The following INTS15 variants were observed in gnomAD, a reference collection of about 807,000 sequenced individuals.
INTS15 encodes uncharacterized protein C7orf26.
At chr7:6,598,735 TTGTGTGTGTGTGTG>T in the INTS15 span, among the ~76,000 whole-genome samples, 298 of 83,620 alleles carry the variant, frequency 3.6e-3, 2 homozygotes, top group Middle Eastern at 7.4e-3. Flanking sequence ...GCTGTATGCT[TTGTGTGTGTGTGTG>T]TGTGTGTGTG....
At chr7:6,594,535 G>T in the INTS15 span, 1 of 1,614,148 alleles carries the variant, frequency 6.2e-7, no homozygotes, top group Non-Finnish European at 8.5e-7. Flanking sequence ...CAGATATTCA[G>T]TGCCAGCCCG....
At chr7:6,604,069 A>T in the INTS15 span, among the ~76,000 whole-genome samples, 152,046 of 152,308 alleles carry the variant, frequency 1, 75,896 homozygotes, top group Non-Finnish European at 1. Context: ...GAATATCTAA[A>T]AAGTGTCAGC....
chr7:6,595,074 C>T, the INTS15 span, among the ~76,000 whole-genome samples: 316 of 152,218 alleles, frequency 2.1e-3, 1 homozygote, highest in Non-Finnish European at 3.2e-3. Context: ...CTCTGTCACC[C>T]TGGCTGGAGT....
At chr7:6,594,275 G>A in the INTS15 span, 1 of 686,610 alleles carries the variant, frequency 1.5e-6, no homozygotes, top group Non-Finnish European at 2.5e-6. Context: ...CAAAGTGTTG[G>A]GATTACAGAT....
the INTS15 span, chr7:6,602,517 C>T: frequency 1.3e-5 from 5 of 382,274 alleles, no homozygotes; most frequent in East Asian, 7.0e-5. Context: ...TAGCTGCCAG[C>T]GCTTGGCCAT....
At chr7:6,606,322 C>G in the INTS15 span, among the ~76,000 whole-genome samples, 7 of 152,234 alleles carry the variant, frequency 4.6e-5, no homozygotes, top group Non-Finnish European at 8.8e-5. Flanking sequence ...AGCCTTTGTA[C>G]TGGGGAGCTT....
chr7:6,590,206 T>G, the INTS15 span: 13 of 1,292,146 alleles, frequency 1.0e-5, no homozygotes, highest in South Asian at 2.1e-4. Flanking sequence ...GCCTCTTTGT[T>G]TCCACGGGTA....
the INTS15 span, among the ~76,000 whole-genome samples, chr7:6,590,776 C>T: frequency 6.6e-6 from 1 of 152,140 alleles, no homozygotes; most frequent in East Asian, 1.9e-4. Flanking sequence ...CTGAACCCTC[C>T]AGGAGGATGT....
chr7:6,607,860 C>A, the INTS15 span: 1 of 1,542,516 alleles, frequency 6.5e-7, no homozygotes, highest in Non-Finnish European at 8.7e-7. The surrounding 1 kb of genome is among the most constrained non-coding windows in gnomAD (Gnocchi z 6.0). Flanking sequence ...GTGTCGGTGC[C>A]TCTCCTGGGC....
the INTS15 span, among the ~76,000 whole-genome samples, chr7:6,606,647 G>T: frequency 6.6e-6 from 1 of 152,036 alleles, no homozygotes; most frequent in Non-Finnish European, 1.5e-5. Flanking sequence ...GGGAAGGCAG[G>T]GTAGGGAGGA....
At chr7:6,607,389 C>T in the INTS15 span, 40 of 329,150 alleles carry the variant, frequency 1.2e-4, no homozygotes, top group East Asian at 2.2e-3. The surrounding 1 kb of genome is among the most constrained non-coding windows in gnomAD (Gnocchi z 6.0). Flanking sequence ...GGGTGCTGGG[C>T]GGGGTGGGTG....
At chr7:6,591,764 A>C in the INTS15 span, 3 of 1,614,172 alleles carry the variant, frequency 1.9e-6, no homozygotes, top group Admixed American at 5.0e-5. Context: ...CCTCAAGGGA[A>C]CAAAGCCGAT....
the INTS15 span, chr7:6,607,728 C>T: frequency 1.3e-6 from 2 of 1,508,826 alleles, no homozygotes; most frequent in Non-Finnish European, 1.8e-6. The surrounding 1 kb of genome is among the most constrained non-coding windows in gnomAD (Gnocchi z 6.0). Flanking sequence ...GTGCTACGGC[C>T]GGAGCTCCGT....
the INTS15 span, among the ~76,000 whole-genome samples, chr7:6,599,094 G>A: frequency 1.3e-5 from 2 of 152,256 alleles, no homozygotes; most frequent in African/African-American, 2.4e-5. Context: ...TACTTTCGAC[G>A]AGTCCTGGGG....
the INTS15 span, among the ~76,000 whole-genome samples, chr7:6,606,778 T>C: frequency 6.7e-6 from 1 of 149,760 alleles, no homozygotes; most frequent in Admixed American, 6.7e-5. Flanking sequence ...GGCTCATGGC[T>C]CACTGCAGCC....
chr7:6,597,756 C>T, the INTS15 span, among the ~76,000 whole-genome samples: 4 of 152,266 alleles, frequency 2.6e-5, no homozygotes, highest in Non-Finnish European at 4.4e-5. Flanking sequence ...CCAGTATGTC[C>T]GTTGAGATGT....
At chr7:6,597,941 G>C in the INTS15 span, among the ~76,000 whole-genome samples, 2 of 152,216 alleles carry the variant, frequency 1.3e-5, no homozygotes, top group African/African-American at 4.8e-5. Flanking sequence ...TTTCCTGGAT[G>C]GAGCTGAGAA....
At chr7:6,608,314 C>T in the INTS15 span, 2 of 1,432,946 alleles carry the variant, frequency 1.4e-6, no homozygotes, top group Admixed American at 5.5e-5. Flanking sequence ...CCAGGTGCTT[C>T]CCACCCGGTC....
chr7:6,601,529 C>G, the INTS15 span, among the ~76,000 whole-genome samples: 8 of 152,104 alleles, frequency 5.3e-5, no homozygotes, highest in African/African-American at 1.9e-4. Context: ...CTCCTGACCT[C>G]AAGTGATCCG....
Sources: allele counts gnomAD v4.1 joint callset (sites outside exome capture counted in the v4.1 genomes callset), GRCh38; gene constraint gnomAD v4.1.1; non-coding constraint Gnocchi (gnomAD v3.1); transcripts MANE v1.5; gene names NCBI Gene and HGNC (gene_info 2026-07-23, HGNC 2026-07-21).